SUMF1: variants seen among roughly 807,000 people sequenced by gnomAD.
SUMF1 encodes formylglycine-generating enzyme.
A neutral mutation model predicts 47.6 loss-of-function variants in SUMF1; 48 were observed. That is an observed-to-expected ratio of 1.01 (90% CI 0.80 to 1.28). The LOEUF is 1.28. SUMF1 is among the 50% of genes most tolerant of loss of function. The pLI, the probability that SUMF1 is intolerant of heterozygous loss-of-function variation, is 0.00. For missense variants in SUMF1, 571 were observed against 485.4 expected (o/e 1.18, Z -1.66); for synonymous variants, 230 against 192.1 (o/e 1.20, Z -1.63).
chr3:4,044,088 G>A (rs968428196), intron 9 of SUMF1, among the ~76,000 whole-genome samples: 2 of 152,088 alleles, frequency 1.3e-5, no homozygotes, highest in Admixed American at 6.5e-5. Flanking sequence ...GAGCTCAGAG[G>A]TTACACATAA....
intron 8 of SUMF1, among the ~76,000 whole-genome samples, chr3:4,346,549 A>G (rs1259698207): frequency 6.6e-6 from 1 of 152,206 alleles, no homozygotes; most frequent in Non-Finnish European, 1.5e-5. Flanking sequence ...GGAAATTTAT[A>G]GCACTAAATG....
intron 3 of SUMF1, among the ~76,000 whole-genome samples, chr3:4,429,946 C>CATACTTTTAAAGGATTTTAAAAGT (rs1480210039): frequency 1.3e-5 from 2 of 152,136 alleles, no homozygotes; most frequent in Non-Finnish European, 2.9e-5. Context: ...GGAACATTTG[C>CATACTTTTAAAGGATTTTAAAAGT]ATACTTTTAA....
intron 8 of SUMF1, among the ~76,000 whole-genome samples, chr3:4,221,671 G>T (rs1325257181): frequency 6.6e-6 from 1 of 152,104 alleles, no homozygotes. Flanking sequence ...CAGGCACTGT[G>T]CAAGGAAATC....
At chr3:4,434,206 T>G (rs1364197640) in intron 3 of SUMF1, among the ~76,000 whole-genome samples, 3 of 152,266 alleles carry the variant, frequency 2.0e-5, no homozygotes, top group Non-Finnish European at 4.4e-5. Context: ...TTGATGGTTG[T>G]ATAACACTGT....
chr3:4,309,619 C>T (rs60967025), intron 8 of SUMF1, among the ~76,000 whole-genome samples: 1,667 of 152,246 alleles, frequency 0.011, 19 homozygotes, highest in African/African-American at 0.037. Flanking sequence ...TTCTTCCCAC[C>T]ACCTTCCCCC....
chr3:4,241,405 A>G (rs955701243), intron 8 of SUMF1, among the ~76,000 whole-genome samples: 1 of 152,248 alleles, frequency 6.6e-6, no homozygotes, highest in Admixed American at 6.5e-5. Flanking sequence ...TCCTGGATTG[A>G]AGTCTGAAGG....
rs1323519901 is a variant in SUMF1, at chr3:4,456,992, G to A, written c.271-3943C>T. Among the ~76,000 whole-genome samples, 22 of 135,440 alleles carry A rather than the reference G, an allele frequency of 1.6e-4. 1 individual carries two copies. The highest frequency in any genetic ancestry group is 3.1e-4 in the African/African-American group (11 of 35,318). 88.9% of individuals were successfully genotyped at this position (135,440 alleles called of 152,430 possible). A position where few individuals can be genotyped will look rare whatever the true frequency, so the allele number is the denominator to read the frequency against. On this transcript the variant is annotated intron_variant, in intron 1 of 8. Transcript: ENST00000272902. Reference sequence around the variant, plus strand: ...TATACGTGTGTGTATATATATATACGTGTGTGTATATATATACGTGTGTGT... The same window carrying A: ...TATACGTGTGTGTATATATATATACATGTGTGTATATATATACGTGTGTGT...
intron 8 of SUMF1, among the ~76,000 whole-genome samples, chr3:4,248,621 G>T (rs1156823259): frequency 6.6e-6 from 1 of 152,128 alleles, no homozygotes; most frequent in African/African-American, 2.4e-5. Flanking sequence ...TGGGAGAATT[G>T]ATATAAGAAA....
intron 8 of SUMF1, among the ~76,000 whole-genome samples, chr3:4,240,775 T>A (rs1696518357): frequency 6.6e-6 from 1 of 151,928 alleles, no homozygotes; most frequent in Non-Finnish European, 1.5e-5. Context: ...CCAAATGTCA[T>A]CATTAAAATA....
intron 8 of SUMF1, among the ~76,000 whole-genome samples, chr3:4,130,081 C>A (rs765701892): frequency 6.6e-6 from 1 of 152,154 alleles, no homozygotes; most frequent in Non-Finnish European, 1.5e-5. Context: ...GTGCCACCAT[C>A]AAGGACTTGA....
At chr3:4,093,179 T>C (rs1262297285) in intron 8 of SUMF1, among the ~76,000 whole-genome samples, 1 of 152,106 alleles carries the variant, frequency 6.6e-6, no homozygotes, top group African/African-American at 2.4e-5. Context: ...AGCTCAGGAA[T>C]TGGTTATGGG....
At chr3:4,353,335 C>G (rs528583377) in intron 8 of SUMF1, among the ~76,000 whole-genome samples, 2 of 152,254 alleles carry the variant, frequency 1.3e-5, no homozygotes, top group Admixed American at 6.5e-5. Flanking sequence ...TCACTGCAAA[C>G]TCCGCCTCCC....
chr3:4,441,860 A>G (rs954244848), intron 3 of SUMF1, among the ~76,000 whole-genome samples: 1 of 152,348 alleles, frequency 6.6e-6, no homozygotes, highest in East Asian at 1.9e-4. Flanking sequence ...AAAGCTTTTG[A>G]ATCTCGCCTC....
At chr3:4,278,235 A>C (rs911544929) in intron 8 of SUMF1, among the ~76,000 whole-genome samples, 1 of 152,088 alleles carries the variant, frequency 6.6e-6, no homozygotes, top group Non-Finnish European at 1.5e-5. Context: ...ATGTTCTATA[A>C]TTTATCAATA....
intron 3 of SUMF1, among the ~76,000 whole-genome samples, chr3:4,431,019 T>C (rs912624298): frequency 6.6e-6 from 1 of 152,224 alleles, no homozygotes; most frequent in African/African-American, 2.4e-5. Context: ...TTTTAACCTG[T>C]ACCTAAAAGC....
At chr3:4,253,840 C>A (rs1401406021) in intron 8 of SUMF1, among the ~76,000 whole-genome samples, 9 of 149,044 alleles carry the variant, frequency 6.0e-5, no homozygotes, top group Non-Finnish European at 1.2e-4. Context: ...ACAGCAGTAA[C>A]CTCTGCAGAC....
chr3:4,337,214 C>A (rs1439205959), intron 8 of SUMF1, among the ~76,000 whole-genome samples: 1 of 35,532 alleles, frequency 2.8e-5, no homozygotes, highest in Admixed American at 3.6e-4. Context: ...TCCCTCCTTT[C>A]TTCCTTCCTT....
At chr3:4,440,860 A>G (rs1299437894) in intron 3 of SUMF1, among the ~76,000 whole-genome samples, 1 of 152,252 alleles carries the variant, frequency 6.6e-6, no homozygotes, top group Non-Finnish European at 1.5e-5. Flanking sequence ...ACCAACAGCA[A>G]CTGTTTTCTA....
At chr3:4,401,845 G>A (rs569346090) in intron 7 of SUMF1, among the ~76,000 whole-genome samples, 1 of 152,126 alleles carries the variant, frequency 6.6e-6, no homozygotes, top group African/African-American at 2.4e-5. Context: ...ATAGCATATG[G>A]CTCTCCCTTC....
Sources: gnomAD v4.1 joint callset for allele counts (sites outside exome capture counted in the v4.1 genomes callset) on GRCh38, gnomAD v4.1.1 for gene constraint, MANE v1.5 for transcripts, NCBI Gene and HGNC (gene_info 2026-07-23, HGNC 2026-07-21) for gene names.